LDLRAD4: variants seen among roughly 807,000 people sequenced by gnomAD.
LDLRAD4 encodes the protein low-density lipoprotein receptor class A domain-containing protein 4.
In LDLRAD4, 5 loss-of-function variants were observed where a neutral mutation model predicts 17.0. The observed-to-expected ratio is 0.29, with a 90% CI of 0.15 to 0.62. The LOEUF is 0.62. LDLRAD4 is among the 20% of genes least tolerant of loss of function. LDLRAD4 has a pLI of 0.84. For missense variants in LDLRAD4, 340 were observed against 424.7 expected, an observed-to-expected ratio of 0.80 and a Z score of 1.75; for synonymous variants, 168 against 171.8, an observed-to-expected ratio of 0.98 and a Z score of 0.17.
At chr18:13,397,643 G>A (rs1247761646) in intron 2 of LDLRAD4, among the ~76,000 whole-genome samples, 1 of 152,070 alleles carries the variant, frequency 6.6e-6, no homozygotes, top group Non-Finnish European at 1.5e-5. Context: ...TTGTTATCTT[G>A]TCTGTAGAGC....
intron 3 of LDLRAD4, chr18:13,521,259 G>T (rs2093949157): frequency 6.6e-6 from 1 of 152,288 alleles, no homozygotes; most frequent in Non-Finnish European, 1.5e-5. Context: ...GAATTGTTCT[G>T]TGTCTTAACC....
At chr18:13,428,258 G>A (rs950563197) in intron 2 of LDLRAD4, among the ~76,000 whole-genome samples, 6 of 152,168 alleles carry the variant, frequency 3.9e-5, no homozygotes, top group Admixed American at 2.0e-4. Context: ...AGTGAGGGAG[G>A]CCACGGCGAT....
At chr18:13,471,774 C>T (rs1319553267) in intron 3 of LDLRAD4, 1 of 152,400 alleles carries the variant, frequency 6.6e-6, no homozygotes, top group African/African-American at 2.4e-5. Flanking sequence ...AAGCCAAATT[C>T]TCCTGTTTCA....
chr18:13,252,638 C>T (rs1170408841), intron 1 of LDLRAD4, among the ~76,000 whole-genome samples: 2 of 152,164 alleles, frequency 1.3e-5, no homozygotes, highest in South Asian at 2.1e-4. Flanking sequence ...TCGGTGGTGC[C>T]CCCCACCATA....
intron 3 of LDLRAD4, among the ~76,000 whole-genome samples, chr18:13,572,520 C>T (rs2094707517): frequency 1.3e-5 from 2 of 152,130 alleles, no homozygotes; most frequent in African/African-American, 2.4e-5. Flanking sequence ...TCCTTCAGTC[C>T]TTGTCAAGAG....
intron 1 of LDLRAD4, among the ~76,000 whole-genome samples, chr18:13,307,313 G>A (rs1234658779): frequency 2.6e-5 from 4 of 151,970 alleles, no homozygotes; most frequent in South Asian, 2.1e-4. Context: ...TCCCCTCAGC[G>A]TACTCAATGT....
At chr18:13,581,849 G>A (rs114459835) in intron 3 of LDLRAD4, among the ~76,000 whole-genome samples, 520 of 152,168 alleles carry the variant, frequency 3.4e-3, no homozygotes, top group African/African-American at 0.012. Flanking sequence ...TGTGTGCACT[G>A]TACACTCATG....
chr18:13,232,217 G>T (rs991026799), intron 1 of LDLRAD4, among the ~76,000 whole-genome samples: 2 of 152,208 alleles, frequency 1.3e-5, no homozygotes, highest in African/African-American at 4.8e-5. Context: ...TCTTCTGGGC[G>T]CTCTTGTGGG....
At chr18:13,218,081 G>C (rs2041254511), upstream of LDLRAD4, 1 of 151,914 alleles carries the variant, frequency 6.6e-6, no homozygotes, top group Non-Finnish European at 1.5e-5. Flanking sequence ...CTCCGCTCCG[G>C]GGGGGCGGCC....
chr18:13,222,418 T>C (rs1021473427), intron 1 of LDLRAD4, among the ~76,000 whole-genome samples: 1 of 152,120 alleles, frequency 6.6e-6, no homozygotes, highest in Non-Finnish European at 1.5e-5. Context: ...AAGAGAAGCA[T>C]TTACGAAACT....
intron 3 of LDLRAD4, chr18:13,500,646 G>C (rs750217629): frequency 1.3e-5 from 2 of 152,208 alleles, no homozygotes; most frequent in Non-Finnish European, 2.9e-5. Context: ...CTTTTGAACT[G>C]AAAGGAGGCT....
intron 1 of LDLRAD4, among the ~76,000 whole-genome samples, chr18:13,225,657 A>G (rs908648148): frequency 1.3e-5 from 2 of 152,248 alleles, no homozygotes; most frequent in African/African-American, 4.8e-5. Flanking sequence ...TTCCTGATAC[A>G]TGTGTACTGA....
intron 3 of LDLRAD4, among the ~76,000 whole-genome samples, chr18:13,554,154 C>CCAA (rs1392185248): frequency 1.3e-5 from 2 of 152,066 alleles, no homozygotes; most frequent in Non-Finnish European, 2.9e-5. Context: ...AGTTATTGAG[C>CCAA]CAACAGATCA....
At chr18:13,500,240 C>A (rs978379839) in intron 3 of LDLRAD4, among the ~76,000 whole-genome samples, 2 of 147,682 alleles carry the variant, frequency 1.4e-5, no homozygotes, top group African/African-American at 4.9e-5. Flanking sequence ...GCCCTGACGG[C>A]CCGGGAATAG....
intron 2 of LDLRAD4, among the ~76,000 whole-genome samples, chr18:13,425,583 A>G (rs2089865573): frequency 6.6e-6 from 1 of 152,078 alleles, no homozygotes; most frequent in Non-Finnish European, 1.5e-5. Flanking sequence ...TCAGAGGAGG[A>G]AGTGGTTTTT....
intron 2 of LDLRAD4, among the ~76,000 whole-genome samples, chr18:13,432,892 T>C (rs376767477): frequency 2.6e-5 from 4 of 152,284 alleles, no homozygotes; most frequent in East Asian, 1.9e-4. Context: ...AATTTTTTAA[T>C]TTTTTGTAGA....
upstream of LDLRAD4, among the ~76,000 whole-genome samples, chr18:13,273,476 T>G (rs1304856660): frequency 3.9e-5 from 6 of 152,152 alleles, no homozygotes; most frequent in Non-Finnish European, 7.3e-5. Context: ...AATATTTTCT[T>G]TTTTATAGAG....
At chr18:13,555,254 TTTAG>T (rs571245634) in intron 3 of LDLRAD4, among the ~76,000 whole-genome samples, 117 of 152,144 alleles carry the variant, frequency 7.7e-4, no homozygotes, top group Non-Finnish European at 7.4e-4. Context: ...AACTATAGAC[TTTAG>T]TTAACTTTTT....
intron 1 of LDLRAD4, among the ~76,000 whole-genome samples, chr18:13,293,703 TA>T (rs752571803): frequency 1.3e-5 from 2 of 152,270 alleles, no homozygotes; most frequent in Non-Finnish European, 2.9e-5. Context: ...ACATCTTGGA[TA>T]AATGTCCCTT....
Sources: allele counts gnomAD v4.1 joint callset (sites outside exome capture counted in the v4.1 genomes callset), GRCh38; gene constraint gnomAD v4.1.1; transcripts MANE v1.5; gene names NCBI Gene and HGNC (gene_info 2026-07-23, HGNC 2026-07-21).